Variants in WDR59 observed in about 807,000 individuals in gnomAD.
The protein encoded by WDR59 is WD repeat domain 59, also known as GATOR2 complex protein WDR59.
A neutral mutation model predicts 131.2 loss-of-function variants in WDR59; 100 were observed. The observed-to-expected ratio is 0.76, with a 90% CI of 0.65 to 0.90. The LOEUF (loss-of-function observed/expected upper bound fraction) is 0.90. WDR59 is among the 40% of genes least tolerant of loss of function. The pLI is 0.00. For synonymous variants in WDR59, 601 were observed against 466.2 expected (o/e 1.29, Z -3.72); for missense variants, 1,203 against 1,262.2 (o/e 0.95, Z 0.71).
intron 1 of WDR59, among the ~76,000 whole-genome samples, chr16:74,982,094 TA>T (rs1050685182): frequency 3.6e-4 from 52 of 143,796 alleles, no homozygotes; most frequent in African/African-American, 8.1e-4. Context: ...TATCCCTATT[TA>T]AAAAAAAAAT....
intron 8 of WDR59, among the ~76,000 whole-genome samples, chr16:74,929,355 G>A (rs137861186): frequency 1.3e-5 from 2 of 152,142 alleles, no homozygotes; most frequent in Non-Finnish European, 2.9e-5. Context: ...GATTATAGGC[G>A]TGAGCCACTG....
chr16:74,965,827 G>C lies in WDR59; in HGVS notation c.55-5C>G, dbSNP rs1439113985. ...GTCCACAGACATCGCAGTTGCCTGA[G>C]AGAGAGAACACAGAGTCAGTGCTGC... On this transcript the variant is annotated splice_region_variant and splice_polypyrimidine_tract_variant and intron_variant, in intron 1 of 25. Coordinates refer to ENST00000262144, the MANE Select transcript of WDR59 (RefSeq NM_030581.4). The C allele has an allele frequency of 6.2e-7, 1 of 1,614,040 alleles. No homozygotes were observed. The highest frequency in any genetic ancestry group is 1.1e-5 in the South Asian group (1 of 91,082).
At chr16:74,949,407 T>C (rs1413616305) in intron 5 of WDR59, among the ~76,000 whole-genome samples, 1 of 50,446 alleles carries the variant, frequency 2.0e-5, no homozygotes, top group Non-Finnish European at 4.0e-5. Context: ...GGGGGAAGGG[T>C]GAAAATGAGG....
In WDR59 at chr16:74,931,521, G is replaced by A. The variant is rs114098772; in HGVS notation, c.651+6629C>T. ...TGGCTAATTTTTTGCATTTGTTGCA[G>A]AGATGGGGTTTTGCCATGTTGCCCA... On this transcript the variant is annotated intron_variant, in intron 8 of 25. Coordinates refer to ENST00000262144, the MANE Select transcript of WDR59 (RefSeq NM_030581.4). Among the ~76,000 whole-genome samples the A allele has an allele frequency of 4.0e-3, 616 of 152,160 alleles. 3 individuals carry two copies. Among genetic ancestry groups the A allele is most frequent in the African/African-American group, 0.014 (577 of 41,538 alleles).
At chr16:74,881,827 T>G (rs1964499899) in intron 25 of WDR59, among the ~76,000 whole-genome samples, 1 of 148,236 alleles carries the variant, frequency 6.7e-6, no homozygotes, top group African/African-American at 2.5e-5. Flanking sequence ...GACCTGAGAT[T>G]GTTCCATTGC....
intron 13 of WDR59, 164 bp downstream of exon 13, chr16:74,915,706 G>A: frequency 3.1e-6 from 3 of 965,090 alleles, no homozygotes; most frequent in African/African-American, 1.6e-5. Context: ...TTACAGGCGT[G>A]AGCCACCGCG....
At chr16:74,901,461 C>A (rs1169482045) in intron 18 of WDR59, among the ~76,000 whole-genome samples, 3 of 151,950 alleles carry the variant, frequency 2.0e-5, no homozygotes, top group Admixed American at 2.0e-4. Context: ...CATAGCGGGA[C>A]CCCAGCTCTA....
chr16:74,904,948 C>T (rs1016123650), intron 17 of WDR59, among the ~76,000 whole-genome samples: 3 of 152,152 alleles, frequency 2.0e-5, no homozygotes, highest in African/African-American at 7.2e-5. Context: ...TTTTTCTCTA[C>T]AAAATAAAAC....
At chr16:74,978,110 C>G (rs1473397443) in intron 1 of WDR59, among the ~76,000 whole-genome samples, 1 of 152,052 alleles carries the variant, frequency 6.6e-6, no homozygotes, top group African/African-American at 2.4e-5. Context: ...AATCCCAGCA[C>G]TTTGGGAGGC....
At position 74,922,053 on chromosome 16, in the gene WDR59, T is replaced by C. The variant is rs1244318324; in HGVS notation, c.780A>G (p.Glu260=). The change falls in exon 10 of 26, where the codon GAA becomes GAG. Residue 260 remains glutamate, a synonymous_variant. Coordinates refer to ENST00000262144, the MANE Select transcript of WDR59 (RefSeq NM_030581.4). ...AGACATTCCACAGGAGAAGGCTGTTTTCCCTCCGCAGCTGGGGAACCATCA... is the reference window on the plus strand; with the variant it reads ...AGACATTCCACAGGAGAAGGCTGTTCTCCCTCCGCAGCTGGGGAACCATCA... ...VTVMVPQLRR[E]NSLLLWNVFD... is the part of the protein sequence containing the mutation. The C allele has an allele frequency of 6.2e-7, 1 of 1,614,116 alleles. No homozygotes were observed. The highest frequency in any genetic ancestry group is 2.2e-5 in the East Asian group (1 of 44,896).
intron 23 of WDR59, among the ~76,000 whole-genome samples, chr16:74,887,242 CCT>C (rs1491406621): frequency 1.3e-5 from 2 of 151,774 alleles, no homozygotes; most frequent in African/African-American, 4.9e-5. Context: ...ATTTTAAAAA[CCT>C]TTTTTTTTTT....
intron 1 of WDR59, among the ~76,000 whole-genome samples, chr16:74,981,660 A>ATATATATATATTTTTTTT (rs1567451007): frequency 1.2e-5 from 1 of 80,862 alleles, no homozygotes; most frequent in African/African-American, 7.4e-5. Flanking sequence ...ATATATATAT[A>ATATATATATATTTTTTTT]TTTTTTTTTT....
chr16:74,982,352 A>C (rs2034461426), intron 1 of WDR59, among the ~76,000 whole-genome samples: 1 of 152,106 alleles, frequency 6.6e-6, no homozygotes, highest in South Asian at 2.1e-4. Flanking sequence ...AAATAGGAAA[A>C]TCAGAACAAA....
chr16:74,886,343 C>G lies in WDR59; in HGVS notation c.2473G>C (p.Glu825Gln). 6.2e-7 allele frequency: 1 copy of G among 1,613,960 alleles called. No homozygotes were observed. The highest frequency in any genetic ancestry group is 8.5e-7 in the Non-Finnish European group (1 of 1,179,988). The change falls in exon 24 of 26, where the codon GAG becomes CAG. Residue 825 changes from glutamate to glutamine, a missense_variant. Glu to Gln is a conservative substitution (Grantham distance 29, BLOSUM62 2). Transcript: ENST00000262144. ...TAGGTCAGACTCCCAAAGCGGAGCT[C>G]TTCTGGTGAGGATTCTCCCCAAGGG... ...SSPWGESSPE[E>Q]LRFGSLTYSD...
At chr16:74,980,004 A>C (rs1446497744) in intron 1 of WDR59, among the ~76,000 whole-genome samples, 1 of 151,278 alleles carries the variant, frequency 6.6e-6, no homozygotes, top group Non-Finnish European at 1.5e-5. Context: ...ATGCACCACC[A>C]CGCCCAGCTA....
chr16:74,909,785 A>G, intron 15 of WDR59, 37 bp downstream of exon 15: 1 of 1,594,070 alleles, frequency 6.3e-7, no homozygotes. Flanking sequence ...ACAAAACACC[A>G]AAGCCTAAGT....
chr16:74,878,219 T>A (rs964292488), intron 25 of WDR59, among the ~76,000 whole-genome samples: 2 of 152,276 alleles, frequency 1.3e-5, no homozygotes, highest in Admixed American at 1.3e-4. Context: ...CCTGGGGAAC[T>A]GTATTCAAGT....
intron 8 of WDR59, among the ~76,000 whole-genome samples, chr16:74,931,452 C>T (rs1299926734): frequency 1.3e-5 from 2 of 152,128 alleles, no homozygotes; most frequent in Non-Finnish European, 2.9e-5. Flanking sequence ...TCTCCCACCT[C>T]TGCCTCCCAA....
At chr16:74,953,199 C>T (rs1231435393) in intron 3 of WDR59, among the ~76,000 whole-genome samples, 1 of 152,114 alleles carries the variant, frequency 6.6e-6, no homozygotes, top group Non-Finnish European at 1.5e-5. Flanking sequence ...CAGCCAGGGG[C>T]AGTGGCTCAT....
Sources: allele counts gnomAD v4.1 joint callset (sites outside exome capture counted in the v4.1 genomes callset), GRCh38; gene constraint gnomAD v4.1.1; transcripts MANE v1.5; gene names NCBI Gene and HGNC (gene_info 2026-07-23, HGNC 2026-07-21).